The following SYTL3 variants were observed in gnomAD, a reference collection of about 807,000 sequenced individuals.
The protein encoded by SYTL3 is synaptotagmin-like protein 3.
Under a neutral mutation model 82.1 loss-of-function variants are expected in SYTL3, and 88 were observed. That is an observed-to-expected ratio of 1.07 (90% CI 0.90 to 1.28). The LOEUF (loss-of-function observed/expected upper bound fraction) is 1.28, where lower values mean the gene tolerates loss of function less well. SYTL3 is among the 50% of genes most tolerant of loss of function. The probability of loss-of-function intolerance (pLI) is 0.00; values close to 1 mark genes in which losing one functional copy is unlikely to be tolerated. For synonymous variants in SYTL3, 311 were observed against 289.4 expected (o/e 1.07, Z -0.76); for missense variants, 831 against 757.6 (o/e 1.10, Z -1.14).
chr6:158,675,185 ATATT>A (rs2128392054), intron 5 of SYTL3, among the ~76,000 whole-genome samples: 1 of 152,214 alleles, frequency 6.6e-6, no homozygotes, highest in Non-Finnish European at 1.5e-5. Context: ...GGAGGGGAGG[ATATT>A]CATTCATTCA....
chr6:158,760,613 TCC>T, intron 14 of SYTL3, 25 bp from the exon 15 acceptor site: 2 of 1,598,942 alleles, frequency 1.3e-6, no homozygotes, highest in Non-Finnish European at 1.7e-6. Context: ...GGGAATCCTG[TCC>T]CTAAGCTCTG....
At chr6:158,709,191 T>C (rs35537479) in intron 8 of SYTL3, among the ~76,000 whole-genome samples, 39,789 of 152,018 alleles carry the variant, frequency 0.26, 5,612 homozygotes, top group Non-Finnish European at 0.32. Context: ...CAAGTGCCAC[T>C]GCCCTCCAGC....
intron 11 of SYTL3, among the ~76,000 whole-genome samples, chr6:158,734,416 C>T (rs73797092): frequency 0.047 from 7,147 of 152,048 alleles, 579 homozygotes; most frequent in African/African-American, 0.16. Context: ...CCATGACAGC[C>T]GGTGGGATCC....
chr6:158,746,744 A>G (rs551249199), intron 12 of SYTL3, among the ~76,000 whole-genome samples: 427 of 151,732 alleles, frequency 2.8e-3, no homozygotes, highest in Non-Finnish European at 5.4e-3. Context: ...GATTACAGGC[A>G]TGAGCCACCA....
At chr6:158,761,803 C>T (rs1163344206) in intron 15 of SYTL3, among the ~76,000 whole-genome samples, 1 of 152,234 alleles carries the variant, frequency 6.6e-6, no homozygotes, top group Admixed American at 6.5e-5. Context: ...ACTTCGGCAT[C>T]TTCCCTCTCC....
At position 158,725,524 on chromosome 6, in the gene SYTL3, C is replaced by G; in HGVS notation, c.742C>G (p.Leu248Val). 6.2e-7 allele frequency: 1 copy of G among 1,614,136 alleles called. No homozygotes were observed. The highest frequency in any genetic ancestry group is 8.5e-7 in the Non-Finnish European group (1 of 1,180,018). Residue 248 changes from leucine to valine, a missense_variant, in exon 11 of 18, where the codon CTG (leucine) becomes GTG (valine). Physicochemically the swap from Leu to Val is conservative, Grantham distance 32. Coordinates refer to ENST00000611299, the MANE Select transcript of SYTL3 (RefSeq NM_001242394.2). ...CCAGAAGGTCAGTGCACCAGATATT[C>G]TGAAACCTCTCAATCAAGAGGATCC... Reference protein sequence around the residue: ...TTRKVSAPDILKPLNQEDPKC... With the variant: ...TTRKVSAPDIVKPLNQEDPKC...
Position 158,764,731 on chromosome 6 carries a change from C to A in SYTL3, c.*127C>A. On this transcript the variant is annotated 3_prime_UTR_variant, in exon 18 of 18. Transcript: ENST00000611299. ...ACCTTGAGCAGTCTCCATCTGCGGC[C>A]CTGTCCCATGGCTTAACCGCCTATT... 1.5e-6 allele frequency: 1 copy of A among 649,450 alleles called. No individual in the cohort carries two copies. Among genetic ancestry groups the A allele is most frequent in the Non-Finnish European group, 2.8e-6 (1 of 361,008 alleles). 40.2% of individuals were successfully genotyped at this position (649,450 alleles called of 1,614,324 possible).
chr6:158,652,807 C>T (rs1788192526), intron 2 of SYTL3, among the ~76,000 whole-genome samples: 1 of 152,166 alleles, frequency 6.6e-6, no homozygotes, highest in African/African-American at 2.4e-5. Flanking sequence ...TCCCAAAGTG[C>T]TGGGATTACA....
chr6:158,740,628 TC>T (rs1191854979), intron 11 of SYTL3, among the ~76,000 whole-genome samples: 2 of 152,160 alleles, frequency 1.3e-5, no homozygotes, highest in Admixed American at 6.6e-5. Flanking sequence ...AATTCCTTAG[TC>T]CTAAGGAAAC....
At chr6:158,745,348 G>A in intron 11 of SYTL3, 132 bp from the exon 12 acceptor site, 1 of 777,856 alleles carries the variant, frequency 1.3e-6, no homozygotes, top group Non-Finnish European at 2.0e-6. Flanking sequence ...GTACAAGCTG[G>A]TGCATTATTA....
intron 5 of SYTL3, 53 bp downstream of exon 5, chr6:158,665,666 G>A (rs781746715): frequency 8.0e-6 from 11 of 1,381,038 alleles, no homozygotes; most frequent in Admixed American, 2.3e-5. Flanking sequence ...CTCGGAGGAG[G>A]CCTCTTTACA....
chr6:158,760,306 T>C (rs1789735670), intron 14 of SYTL3, among the ~76,000 whole-genome samples: 1 of 152,174 alleles, frequency 6.6e-6, no homozygotes, highest in African/African-American at 2.4e-5. Flanking sequence ...CTTGAGTTCA[T>C]TTCTGTTTTT....
chr6:158,645,388 C>G (rs1787371362), upstream of SYTL3, among the ~76,000 whole-genome samples: 1 of 152,182 alleles, frequency 6.6e-6, no homozygotes, highest in African/African-American at 2.4e-5. Flanking sequence ...AGGAATTGCA[C>G]TGGGCTCTGG....
At chr6:158,708,566 G>A (rs1264081423) in intron 8 of SYTL3, among the ~76,000 whole-genome samples, 175 bp downstream of exon 8, 2 of 152,208 alleles carry the variant, frequency 1.3e-5, no homozygotes, top group African/African-American at 2.4e-5. Flanking sequence ...GCTGGGCAGA[G>A]CTTCTCTCCT....
chr6:158,715,476 G>A (rs1039038637), intron 9 of SYTL3, among the ~76,000 whole-genome samples: 1 of 152,088 alleles, frequency 6.6e-6, no homozygotes, highest in African/African-American at 2.4e-5. Context: ...GAGCACTTGA[G>A]GCTAACCAGT....
chr6:158,696,407 G>A (rs1330411178), intron 6 of SYTL3, among the ~76,000 whole-genome samples: 1 of 149,766 alleles, frequency 6.7e-6, no homozygotes, highest in Non-Finnish European at 1.5e-5. Flanking sequence ...GTTTCACTGT[G>A]TTGGCCAGTA....
intron 11 of SYTL3, among the ~76,000 whole-genome samples, chr6:158,728,627 C>G (rs796999450): frequency 6.6e-6 from 1 of 152,118 alleles, no homozygotes; most frequent in African/African-American, 2.4e-5. Flanking sequence ...TTAATTCATT[C>G]GTTCATTCAT....
chr6:158,745,791 T>C (rs1458359053), intron 12 of SYTL3, 133 bp downstream of exon 12: 4 of 765,310 alleles, frequency 5.2e-6, no homozygotes, highest in Non-Finnish European at 8.0e-6. Flanking sequence ...TCAAGTATTA[T>C]TATAAAGCTG....
chr6:158,757,228 C>G lies in SYTL3; in HGVS notation c.1155C>G (p.Ala385=). 1.9e-6 allele frequency: 3 copies of G among 1,610,614 alleles called. No homozygotes were observed. The highest frequency in any genetic ancestry group is 2.5e-6 in the Non-Finnish European group (3 of 1,179,854). Residue 385 remains alanine (A), a synonymous_variant, in exon 14 of 18, where the codon GCC becomes GCG. Transcript: ENST00000611299. ...QETLKYQVAP[A]QLVTRQLQVS... is the part of the protein sequence containing the mutation. ...CTCTGCAGTATCAGGTGGCCCCTGC[C>G]CAGCTGGTGACCCGGCAGCTGCAGG...
Sources: gnomAD v4.1 joint callset for allele counts (sites outside exome capture counted in the v4.1 genomes callset) on GRCh38, gnomAD v4.1.1 for gene constraint, MANE v1.5 for transcripts, NCBI Gene and HGNC (gene_info 2026-07-23, HGNC 2026-07-21) for gene names.